DHX32: variants seen among roughly 807,000 people sequenced by gnomAD.
DHX32 encodes the protein putative pre-mRNA-splicing factor ATP-dependent RNA helicase DHX32.
A neutral mutation model predicts 70.0 loss-of-function variants in DHX32; 51 were observed. The ratio of observed to expected loss-of-function variants is 0.73; its 90% confidence interval spans 0.58 to 0.92. DHX32 has a LOEUF of 0.92. Ranked by LOEUF, DHX32 falls within the 40% of genes least tolerant of loss-of-function variation. DHX32 has a pLI of 0.00. For synonymous variants in DHX32, 310 were observed against 315.3 expected (o/e 0.98, Z 0.18); for missense variants, 762 against 891.8 (o/e 0.85, Z 1.85).
chr10:125,881,527 C>T (rs535612295), upstream of DHX32, among the ~76,000 whole-genome samples: 15 of 152,282 alleles, frequency 9.9e-5, 1 homozygote, highest in South Asian at 2.9e-3. Context: ...AAATCCTTTA[C>T]TTTAATGAAA....
chr10:125,890,483 C>A (rs1253062583), intron 1 of DHX32: 1 of 152,080 alleles, frequency 6.6e-6, no homozygotes, highest in Non-Finnish European at 1.5e-5. Context: ...AGACTTGTAA[C>A]GAGTTGATTG....
At chr10:125,870,366 T>TA (rs1178375455) in intron 1 of DHX32, among the ~76,000 whole-genome samples, 6 of 152,098 alleles carry the variant, frequency 3.9e-5, no homozygotes, top group African/African-American at 9.7e-5. Context: ...GAAAGAAACT[T>TA]AGAGGCGTGA....
intron 1 of DHX32, among the ~76,000 whole-genome samples, 154 bp from the exon 2 acceptor site, chr10:125,867,337 C>T (rs1944226512): frequency 6.6e-6 from 1 of 152,066 alleles, no homozygotes; most frequent in Admixed American, 6.5e-5. Context: ...AAACTCTGAA[C>T]AATATGGATT....
At chr10:125,844,610 A>G (rs1199841597) in intron 6 of DHX32, among the ~76,000 whole-genome samples, 1 of 152,248 alleles carries the variant, frequency 6.6e-6, no homozygotes, top group Non-Finnish European at 1.5e-5. Context: ...CTAATATTAT[A>G]TTCTGCATTT....
intron 1 of DHX32, among the ~76,000 whole-genome samples, chr10:125,886,773 G>T (rs1944342968): frequency 6.6e-6 from 1 of 152,244 alleles, no homozygotes; most frequent in Non-Finnish European, 1.5e-5. Context: ...GAGTTATCAT[G>T]TTGAAAAGTA....
intron 9 of DHX32, among the ~76,000 whole-genome samples, chr10:125,838,723 G>C (rs1356030985): frequency 6.6e-6 from 1 of 152,152 alleles, no homozygotes; most frequent in Non-Finnish European, 1.5e-5. Flanking sequence ...TTTACACTTG[G>C]TGTGTAGCAC....
rs190836547 is a variant in DHX32, at chr10:125,865,179, A to C, written c.476+1811T>G. Among the ~76,000 whole-genome samples the C allele has an allele frequency of 4.0e-3, 610 of 152,096 alleles. 1 individual carries two copies. Among genetic ancestry groups the C allele is most frequent in the Non-Finnish European group, 6.9e-3 (471 of 67,988 alleles). ...TTTAAAATGTCAAACCAACCAACCA[A>C]CCACAAATCTGCTTAGGGATCCTTC... On this transcript the variant is annotated intron_variant, in intron 2 of 10. Transcript: ENST00000284690.
intron 8 of DHX32, among the ~76,000 whole-genome samples, chr10:125,839,390 A>ACGGTGCCACCGACAGCAC (rs1854805031): frequency 6.6e-6 from 1 of 152,176 alleles, no homozygotes; most frequent in African/African-American, 2.4e-5. Context: ...AGGAAGGGAG[A>ACGGTGCCACCGACAGCAC]CGGTGCCACC....
At chr10:125,840,264 A>T (rs981225777) in intron 8 of DHX32, among the ~76,000 whole-genome samples, 2 of 152,086 alleles carry the variant, frequency 1.3e-5, no homozygotes, top group African/African-American at 4.8e-5. Flanking sequence ...CAGGTAAGCT[A>T]CCCACTGCCC....
intron 1 of DHX32, among the ~76,000 whole-genome samples, chr10:125,879,685 C>A (rs960547308): frequency 6.6e-6 from 1 of 152,070 alleles, no homozygotes; most frequent in Non-Finnish European, 1.5e-5. Context: ...GTCTCTCACT[C>A]ACATCGCCCA....
chr10:125,863,494 C>G (rs1224866242), intron 2 of DHX32, among the ~76,000 whole-genome samples: 1 of 150,720 alleles, frequency 6.6e-6, no homozygotes, highest in Non-Finnish European at 1.5e-5. Flanking sequence ...GTTGCCCAGT[C>G]TGGAGTGCAG....
intron 4 of DHX32, chr10:125,853,651 C>CCTTA: frequency 3.6e-6 from 1 of 277,358 alleles, no homozygotes; most frequent in Non-Finnish European, 6.7e-6. Context: ...TTTGCTAGTA[C>CCTTA]CTTAGCTAAA....
intron 1 of DHX32, among the ~76,000 whole-genome samples, chr10:125,872,590 A>C (rs1458512006): frequency 6.6e-6 from 1 of 152,218 alleles, no homozygotes; most frequent in Non-Finnish European, 1.5e-5. Flanking sequence ...ATGCTCCCTA[A>C]CTAGAAATCA....
At position 125,880,875 on chromosome 10, in the gene DHX32, C is replaced by T. The variant is rs753225849; in HGVS notation, c.-51G>A. On this transcript the variant is annotated 5_prime_UTR_variant, in exon 1 of 11. Coordinates refer to ENST00000284690, the MANE Select transcript of DHX32 (RefSeq NM_018180.3). ...CTGACATTCCACAAGCAAGTTTCTC[C>T]TATCAGTAACCCATTGCAAACAGGG... 1 of 1,574,546 alleles carries T rather than the reference C, an allele frequency of 6.4e-7. No homozygotes were observed. Among genetic ancestry groups the T allele is most frequent in the Non-Finnish European group, 8.6e-7 (1 of 1,163,058 alleles).
chr10:125,891,705 C>T (rs77244144), intron 1 of DHX32, among the ~76,000 whole-genome samples: 1 of 152,304 alleles, frequency 6.6e-6, no homozygotes, highest in Admixed American at 6.5e-5. Flanking sequence ...GTGCGTTCTA[C>T]GGTGGCTAGA....
chr10:125,885,136 C>T (rs747250947), upstream of DHX32, among the ~76,000 whole-genome samples: 4 of 152,100 alleles, frequency 2.6e-5, no homozygotes, highest in Non-Finnish European at 2.9e-5. Flanking sequence ...ACCCCAAAGC[C>T]ACAAATCTGG....
intron 1 of DHX32, among the ~76,000 whole-genome samples, chr10:125,868,842 G>A (rs1429726031): frequency 6.6e-6 from 1 of 152,098 alleles, no homozygotes; most frequent in African/African-American, 2.4e-5. Context: ...TTCTCCACAA[G>A]GCTTGCTGTG....
At chr10:125,863,739 G>A (rs554809167) in intron 2 of DHX32, among the ~76,000 whole-genome samples, 15 of 152,088 alleles carry the variant, frequency 9.9e-5, no homozygotes, top group Non-Finnish European at 2.1e-4. Context: ...GTGAGCCACC[G>A]TGCCCGGCCA....
chr10:125,838,520 C>T (rs998407869), intron 9 of DHX32, 133 bp from the exon 10 acceptor site: 1 of 845,722 alleles, frequency 1.2e-6, no homozygotes, highest in Non-Finnish European at 1.7e-6. Flanking sequence ...CTCATGTTTC[C>T]TACTTTCACA....
Sources: gnomAD v4.1 joint callset for allele counts (sites outside exome capture counted in the v4.1 genomes callset) on GRCh38, gnomAD v4.1.1 for gene constraint, MANE v1.5 for transcripts, NCBI Gene and HGNC (gene_info 2026-07-23, HGNC 2026-07-21) for gene names.